Variants in RMDN2 observed in about 807,000 individuals in gnomAD.
The protein encoded by RMDN2 is regulator of microtubule dynamics protein 2.
Under a neutral mutation model 52.8 loss-of-function variants are expected in RMDN2, and 61 were observed. The observed-to-expected ratio is 1.16, with a 90% confidence interval of 0.94 to 1.43. The LOEUF (loss-of-function observed/expected upper bound fraction) is 1.43, where lower values mean the gene tolerates loss of function less well. RMDN2 is among the 40% of genes most tolerant of loss of function. RMDN2 has a pLI of 0.00. For missense variants in RMDN2, 592 were observed against 475.3 expected (o/e 1.25, Z -2.28); for synonymous variants, 180 against 153.1 (o/e 1.18, Z -1.30).
At chr2:37,971,792 C>T (rs1199249177) in intron 2 of RMDN2, among the ~76,000 whole-genome samples, 7 of 152,148 alleles carry the variant, frequency 4.6e-5, no homozygotes, top group Non-Finnish European at 1.0e-4. Context: ...TAAGTCTTCT[C>T]TCCTTGCTCC....
At chr2:37,998,915 C>T (rs1483189535) in intron 8 of RMDN2, among the ~76,000 whole-genome samples, 1 of 152,136 alleles carries the variant, frequency 6.6e-6, no homozygotes, top group East Asian at 1.9e-4. Context: ...CATTTCTTCA[C>T]CCTTTTCCTA....
chr2:38,024,293 G>C (rs1253011211), intron 10 of RMDN2, among the ~76,000 whole-genome samples: 1 of 152,000 alleles, frequency 6.6e-6, no homozygotes, highest in African/African-American at 2.4e-5. Context: ...CATTTCTCTT[G>C]GATAAATACA....
At chr2:38,018,456 G>A (rs930622983), downstream of RMDN2, among the ~76,000 whole-genome samples, 1 of 152,322 alleles carries the variant, frequency 6.6e-6, no homozygotes, top group East Asian at 1.9e-4. Context: ...ATTCACAGAT[G>A]TTCATAACAG....
At chr2:37,976,061 G>A (rs887540231) in intron 4 of RMDN2, among the ~76,000 whole-genome samples, 7 of 152,178 alleles carry the variant, frequency 4.6e-5, no homozygotes, top group South Asian at 4.1e-4. Flanking sequence ...GGACTACGAA[G>A]AATAAACTCG....
rs1161536445 is a variant in RMDN2 at position 37,996,601 on chromosome 2, G to GA, written c.946-798dup. Among the ~76,000 whole-genome samples the GA allele has an allele frequency of 8.1e-3, 469 of 58,010 alleles. 2 individuals carry two copies. Among genetic ancestry groups the GA allele is most frequent in the African/African-American group, 0.029 (385 of 13,106 alleles). 38.1% of individuals were successfully genotyped at this position (58,010 alleles called of 152,430 possible). On this transcript the variant is annotated intron_variant, in intron 7 of 10. Transcript: ENST00000354545. ...GTGAGACATTGCCAAAAAAAAAAAA[G>GA]AAAAAAAAAAAAAAAAAGAGGATAT... is the stretch of plus-strand genomic sequence containing the variant.
In RMDN2 at chr2:38,051,122, A is replaced by G. The variant is rs34928796; in HGVS notation, c.1714-15860A>G. 8.4e-3 allele frequency among the ~76,000 whole-genome samples: 1,277 copies of G among 152,326 alleles called. 9 individuals carry two copies. Among genetic ancestry groups the G allele is most frequent in the South Asian group, 0.021 (101 of 4,828 alleles). On this transcript the variant is annotated intron_variant, in intron 10 of 10. Transcript: ENST00000234195. ...GACATCACCAACACCAGTGACAAGGATTAAGCTAGACTTGAGGGCATGAAA... is the reference window on the plus strand; with the variant it reads ...GACATCACCAACACCAGTGACAAGGGTTAAGCTAGACTTGAGGGCATGAAA...
At chr2:38,061,187 G>A (rs1682028719) in intron 10 of RMDN2, among the ~76,000 whole-genome samples, 1 of 152,034 alleles carries the variant, frequency 6.6e-6, no homozygotes, top group Non-Finnish European at 1.5e-5. Flanking sequence ...ACCAAGGAGT[G>A]GGCATTAAGG....
At chr2:37,951,537 A>G (rs1668791475) in intron 2 of RMDN2, 5 of 1,612,400 alleles carry the variant, frequency 3.1e-6, no homozygotes, top group Admixed American at 1.7e-5. Flanking sequence ...CACAGGCTTC[A>G]CTGATATAAA....
intron 10 of RMDN2, chr2:38,030,369 C>T (rs1013833397): frequency 6.6e-6 from 1 of 152,160 alleles, no homozygotes; most frequent in African/African-American, 2.4e-5. Context: ...CATTTCTAGG[C>T]TTCAGTTCCC....
intron 10 of RMDN2, among the ~76,000 whole-genome samples, chr2:38,027,774 A>G (rs1210757356): frequency 6.6e-6 from 1 of 152,214 alleles, no homozygotes; most frequent in African/African-American, 2.4e-5. Context: ...AAAATTGGGA[A>G]ACCTAATTGG....
intron 10 of RMDN2, among the ~76,000 whole-genome samples, chr2:38,045,755 A>T (rs1309192048): frequency 1.3e-5 from 2 of 152,176 alleles, no homozygotes; most frequent in Non-Finnish European, 2.9e-5. Flanking sequence ...CTTCTCCCCC[A>T]GCTTAGTTGG....
intron 4 of RMDN2, 93 bp from the exon 5 acceptor site, chr2:37,981,190 G>C: frequency 1.2e-6 from 1 of 825,052 alleles, no homozygotes; most frequent in Non-Finnish European, 2.1e-6. Flanking sequence ...TTCTGGTCTT[G>C]GGACCATACT....
At chr2:37,964,440 A>G (rs575103346) in intron 2 of RMDN2, among the ~76,000 whole-genome samples, 4 of 152,224 alleles carry the variant, frequency 2.6e-5, no homozygotes, top group East Asian at 3.9e-4. Context: ...TCTTTGGCCC[A>G]TTGGTTGTTT....
intron 10 of RMDN2, chr2:38,012,745 T>G (rs1441885843): frequency 2.9e-6 from 1 of 342,310 alleles, no homozygotes; most frequent in African/African-American, 2.2e-5. Context: ...TTTTTTCAGA[T>G]TGAAATATAC....
intron 10 of RMDN2, among the ~76,000 whole-genome samples, chr2:38,012,293 T>C (rs1422551068): frequency 1.3e-5 from 2 of 152,230 alleles, no homozygotes; most frequent in Non-Finnish European, 2.9e-5. Flanking sequence ...CCCTATACTT[T>C]TCCTTGCTAT....
chr2:37,951,851 A>C lies in RMDN2; in HGVS notation c.452+22122A>C, dbSNP rs745377126. 1.2e-5 allele frequency: 20 copies of C among 1,613,502 alleles called. No individual in the cohort carries two copies. The South Asian group carries it at 2.1e-4, about 17-fold the overall frequency. ...ATACAGCCTCCTATCAACAAAGCAC[A>C]TCATCCTTCTTTTCTCTTGCAAGTG... On this transcript the variant is annotated intron_variant, in intron 2 of 10. Transcript: ENST00000354545.
intron 5 of RMDN2, 124 bp downstream of exon 5, chr2:37,981,467 G>A (rs886305681): frequency 1.5e-6 from 1 of 648,376 alleles, no homozygotes; most frequent in Non-Finnish European, 2.8e-6. Context: ...TGAAAAATAT[G>A]TATAATAGCA....
At chr2:38,057,838 C>T (rs1681902685) in intron 10 of RMDN2, among the ~76,000 whole-genome samples, 1 of 149,940 alleles carries the variant, frequency 6.7e-6, no homozygotes, top group African/African-American at 2.5e-5. Context: ...GCCTGTTTCC[C>T]CTTTGCCTTC....
intron 10 of RMDN2, among the ~76,000 whole-genome samples, chr2:38,062,216 C>G (rs1437817622): frequency 6.6e-6 from 1 of 152,218 alleles, no homozygotes; most frequent in African/African-American, 2.4e-5. Flanking sequence ...CCAGGCTATC[C>G]TTTTGTAGTA....
Sources: allele counts gnomAD v4.1 joint callset (sites outside exome capture counted in the v4.1 genomes callset), GRCh38; gene constraint gnomAD v4.1.1; transcripts MANE v1.5; gene names NCBI Gene and HGNC (gene_info 2026-07-23, HGNC 2026-07-21).